Variants in FAM20B observed in about 807,000 individuals in gnomAD.
FAM20B encodes the protein FAM20B glycosaminoglycan xylosylkinase.
Under a neutral mutation model 43.8 loss-of-function variants are expected in FAM20B, and 23 were observed. That is an observed-to-expected ratio of 0.53 (90% confidence interval 0.38 to 0.74). FAM20B has a LOEUF of 0.74. FAM20B is among the 30% of genes least tolerant of loss of function. FAM20B has a pLI of 0.00. For synonymous variants in FAM20B, 178 were observed against 192.4 expected (o/e 0.93, Z 0.62); for missense variants, 440 against 510.5 (o/e 0.86, Z 1.33).
chr1:179,064,276 C>G, intron 5 of FAM20B, 29 bp from the exon 6 acceptor site: 1 of 1,571,500 alleles, frequency 6.4e-7, no homozygotes, highest in Non-Finnish European at 8.7e-7. Flanking sequence ...AGTGTTGTCA[C>G]TCAGTGCTGT....
intron 1 of FAM20B, among the ~76,000 whole-genome samples, chr1:179,034,555 G>A (rs1650141231): frequency 6.6e-6 from 1 of 152,118 alleles, no homozygotes; most frequent in Non-Finnish European, 1.5e-5. Context: ...CTCTTGATAG[G>A]ATAAATTGTT....
Position 179,044,112 on chromosome 1 carries a change from C to G in FAM20B, c.265C>G (p.His89Asp). ...EETPELGAVM[H>D]AMATKKIIKA... ...GACACCAGAGCTGGGGGCAGTCATG[C>G]ATGCCATGGCCACCAAGAAAATCAT... Residue 89 changes from histidine (H) to aspartate (D), a missense_variant, in exon 2 of 8, where the codon CAT becomes GAT. Physicochemically the swap from His to Asp is moderately conservative, Grantham distance 81 (BLOSUM62 -1). Coordinates refer to ENST00000263733, the MANE Select transcript of FAM20B (RefSeq NM_014864.4). 1 of 1,614,098 alleles carries G rather than the reference C, an allele frequency of 6.2e-7. No individual in the cohort carries two copies. Among genetic ancestry groups the G allele is most frequent in the Non-Finnish European group, 8.5e-7 (1 of 1,180,004 alleles).
intron 4 of FAM20B, among the ~76,000 whole-genome samples, chr1:179,062,077 G>A (rs940243899): frequency 6.6e-6 from 1 of 151,964 alleles, no homozygotes; most frequent in Non-Finnish European, 1.5e-5. Context: ...CGCAATCTCG[G>A]CTTATTGCAA....
At chr1:179,064,209 G>A in intron 5 of FAM20B, 96 bp from the exon 6 acceptor site, 1 of 1,415,930 alleles carries the variant, frequency 7.1e-7, no homozygotes, top group Non-Finnish European at 9.7e-7. Context: ...GTGGAGTCAG[G>A]GGCAAACCGG....
chr1:179,045,079 A>T (rs1650705298), intron 2 of FAM20B, among the ~76,000 whole-genome samples: 1 of 152,226 alleles, frequency 6.6e-6, no homozygotes, highest in Admixed American at 6.5e-5. Context: ...TATGTTGTTC[A>T]TGATCCCTTT....
chr1:179,057,544 T>G (rs1193324390), intron 4 of FAM20B, among the ~76,000 whole-genome samples: 4 of 152,146 alleles, frequency 2.6e-5, no homozygotes, highest in Non-Finnish European at 5.9e-5. Flanking sequence ...GTAGGTGAGG[T>G]GTTACCCACA....
chr1:179,075,995 T>C lies in FAM20B; in HGVS notation c.*3851T>C, dbSNP rs1346637993. The C allele has an allele frequency of 2.0e-5, 3 of 152,232 alleles. No individual in the cohort carries two copies. The highest frequency in any genetic ancestry group is 2.9e-5 in the Non-Finnish European group (2 of 68,048). 9.4% of individuals were successfully genotyped at this position (152,232 alleles called of 1,614,324 possible). A position where few individuals can be genotyped will look rare whatever the true frequency, so the allele number is the denominator to read the frequency against. On this transcript the variant is annotated 3_prime_UTR_variant, in exon 8 of 8. Transcript: ENST00000263733. ...AATGTATATAGTCGTATATGTATTC[T>C]AGCAAGAAAAACATATTTATTTTGA...
chr1:179,069,759 G>A (rs1053735898), intron 7 of FAM20B, among the ~76,000 whole-genome samples: 3 of 152,152 alleles, frequency 2.0e-5, no homozygotes, highest in Admixed American at 6.5e-5. Context: ...GATGCTCTGG[G>A]CATTTGTAAT....
In FAM20B at chr1:179,074,250, C is replaced by T. The variant is rs1473997847; in HGVS notation, c.*2106C>T. On this transcript the variant is annotated 3_prime_UTR_variant, in exon 8 of 8. Transcript: ENST00000263733. ...ACAGACTAGCACAAAACACAGAATT[C>T]GTGTTAACCAAAGGAGGCATTGATT... 1 of 152,558 alleles carries T rather than the reference C, an allele frequency of 6.6e-6. No individual in the cohort carries two copies. The highest frequency in any genetic ancestry group is 1.5e-5 in the Non-Finnish European group (1 of 68,032). 9.5% of individuals were successfully genotyped at this position (152,558 alleles called of 1,614,324 possible).
chr1:179,070,246 A>G (rs1179696865), intron 7 of FAM20B, among the ~76,000 whole-genome samples: 2 of 151,852 alleles, frequency 1.3e-5, no homozygotes, highest in Non-Finnish European at 2.9e-5. Flanking sequence ...GGGTTTCACC[A>G]TGTTGCCTAG....
rs937680219 is a variant in FAM20B at position 179,076,182 on chromosome 1, G to A, written c.*4038G>A. On this transcript the variant is annotated 3_prime_UTR_variant, in exon 8 of 8. Coordinates refer to ENST00000263733, the MANE Select transcript of FAM20B (RefSeq NM_014864.4). ...CAGGCCAGACATACTAGTGAGCCAGGCACATCTGGCCTTGGGAAACTCATC... is the reference window on the plus strand; with the variant it reads ...CAGGCCAGACATACTAGTGAGCCAGACACATCTGGCCTTGGGAAACTCATC... 6 of 152,122 alleles carry A rather than the reference G, an allele frequency of 3.9e-5. No homozygotes were observed. The highest frequency in any genetic ancestry group is 2.1e-4 in the South Asian group (1 of 4,818). The allele number at this position is 152,122 out of a possible 1,614,324, so 9.4% of individuals were successfully genotyped here.
chr1:179,055,716 A>G (rs1265478281), intron 4 of FAM20B, among the ~76,000 whole-genome samples: 1 of 152,208 alleles, frequency 6.6e-6, no homozygotes, highest in Admixed American at 6.5e-5. Context: ...CAACTCACAC[A>G]TTGTATGAAG....
At chr1:179,066,937 G>A (rs1651715893) in intron 7 of FAM20B, 78 bp downstream of exon 7, 1 of 1,083,334 alleles carries the variant, frequency 9.2e-7, no homozygotes, top group Non-Finnish European at 1.4e-6. Flanking sequence ...CCATTTTCTT[G>A]GCCCTCAAAC....
chr1:179,040,242 G>A (rs1326155422), intron 1 of FAM20B, among the ~76,000 whole-genome samples: 3 of 152,196 alleles, frequency 2.0e-5, no homozygotes, highest in Admixed American at 6.5e-5. Context: ...CCAGTGAGCC[G>A]TTGGGCACAC....
Position 179,076,105 on chromosome 1 carries a change from A to T in FAM20B, c.*3961A>T, listed in dbSNP as rs1213696333. On this transcript the variant is annotated 3_prime_UTR_variant, in exon 8 of 8. Transcript: ENST00000263733. ...TCTCTGAGAGTGGACCCTAATTAACATAAAGACCATTCATCAGCGAATAAC... is the reference window on the plus strand; with the variant it reads ...TCTCTGAGAGTGGACCCTAATTAACTTAAAGACCATTCATCAGCGAATAAC... 1 of 152,226 alleles carries T rather than the reference A, an allele frequency of 6.6e-6. No individual in the cohort carries two copies. The highest frequency in any genetic ancestry group is 1.5e-5 in the Non-Finnish European group (1 of 68,044). The allele number at this position is 152,226 out of a possible 1,614,324, so 9.4% of individuals were successfully genotyped here.
intron 4 of FAM20B, among the ~76,000 whole-genome samples, chr1:179,061,845 T>G (rs1016543632): frequency 2.0e-5 from 3 of 152,116 alleles, no homozygotes; most frequent in Non-Finnish European, 2.9e-5. Flanking sequence ...GAGCTACAAT[T>G]TATGACCATT....
At chr1:179,040,688 G>C (rs1383730452) in intron 1 of FAM20B, among the ~76,000 whole-genome samples, 1 of 125,850 alleles carries the variant, frequency 7.9e-6, no homozygotes, top group Non-Finnish European at 1.8e-5. Context: ...TCCCGGACGG[G>C]GCGGCTGGCC....
chr1:179,038,760 A>G (rs74568172), intron 1 of FAM20B, among the ~76,000 whole-genome samples: 1,694 of 152,352 alleles, frequency 0.011, 10 homozygotes, highest in Non-Finnish European at 0.018. Context: ...ACCAAACTTG[A>G]TACCATCACA....
chr1:179,024,558 T>C (rs1486387784), upstream of FAM20B, among the ~76,000 whole-genome samples: 4 of 152,200 alleles, frequency 2.6e-5, no homozygotes, highest in African/African-American at 9.7e-5. Context: ...GAATTATGTA[T>C]TCTCCGGCCA....
Sources: gnomAD v4.1 joint callset for allele counts (sites outside exome capture counted in the v4.1 genomes callset) on GRCh38, gnomAD v4.1.1 for gene constraint, MANE v1.5 for transcripts, NCBI Gene and HGNC (gene_info 2026-07-23, HGNC 2026-07-21) for gene names.